The following LDLRAD4 variants were observed in gnomAD, a reference collection of about 807,000 sequenced individuals.
The protein encoded by LDLRAD4 is low density lipoprotein receptor class A domain containing 4.
LDLRAD4 carries 5 observed loss-of-function variants against 17.0 expected under a neutral mutation model. The ratio of observed to expected loss-of-function variants is 0.29; its 90% CI spans 0.15 to 0.62. LDLRAD4 has a LOEUF of 0.62. Among genes scored for constraint, LDLRAD4 ranks in the 20% least tolerant of loss-of-function variants. The pLI is 0.84. For synonymous variants in LDLRAD4, 168 were observed against 171.8 expected, an observed-to-expected ratio of 0.98 and a Z score of 0.17; for missense variants, 340 against 424.7, an observed-to-expected ratio of 0.80 and a Z score of 1.75.
At chr18:13,312,915 T>G (rs2047319737) in intron 1 of LDLRAD4, among the ~76,000 whole-genome samples, 1 of 152,188 alleles carries the variant, frequency 6.6e-6, no homozygotes, top group Non-Finnish European at 1.5e-5. Flanking sequence ...TCTGTGATGT[T>G]TTCTGACCCA....
At chr18:13,637,671 A>G (rs1381356496) in intron 4 of LDLRAD4, among the ~76,000 whole-genome samples, 1 of 151,438 alleles carries the variant, frequency 6.6e-6, no homozygotes, top group Admixed American at 6.6e-5. Context: ...TTCGAGACAA[A>G]CCTGGCCAAC....
chr18:13,383,208 G>GT (rs1940490511), intron 1 of LDLRAD4, among the ~76,000 whole-genome samples: 2 of 152,044 alleles, frequency 1.3e-5, no homozygotes, highest in African/African-American at 2.4e-5. Context: ...GAAGCTTCAC[G>GT]TAAGTGTCTT....
chr18:13,278,689 C>T (rs1022683177), intron 1 of LDLRAD4, among the ~76,000 whole-genome samples: 5 of 152,044 alleles, frequency 3.3e-5, no homozygotes, highest in Non-Finnish European at 7.3e-5. Flanking sequence ...TTTAATGTGC[C>T]TGGTGGTGGG....
intron 3 of LDLRAD4, among the ~76,000 whole-genome samples, chr18:13,498,229 T>C: frequency 6.7e-6 from 1 of 149,552 alleles, no homozygotes; most frequent in East Asian, 2.0e-4. Context: ...AGAATCCTTC[T>C]CCACACACAC....
chr18:13,445,759 A>C (rs1015522722), intron 3 of LDLRAD4, among the ~76,000 whole-genome samples: 1 of 143,826 alleles, frequency 7.0e-6, no homozygotes, highest in Non-Finnish European at 1.5e-5. Context: ...GGGTGTGTGC[A>C]TGTGTGGGTG....
intron 2 of LDLRAD4, among the ~76,000 whole-genome samples, chr18:13,389,668 G>T (rs774875128): frequency 6.6e-6 from 1 of 152,186 alleles, no homozygotes; most frequent in Admixed American, 6.5e-5. Context: ...CAGAGGCCAG[G>T]GTTCTGGGGC....
intron 3 of LDLRAD4, among the ~76,000 whole-genome samples, chr18:13,591,502 G>A (rs2148546394): frequency 6.6e-6 from 1 of 152,178 alleles, no homozygotes; most frequent in African/African-American, 2.4e-5. Context: ...GACCGCGACA[G>A]AATGTTAAAA....
At chr18:13,525,927 C>T (rs2094024849) in intron 3 of LDLRAD4, among the ~76,000 whole-genome samples, 3 of 152,226 alleles carry the variant, frequency 2.0e-5, no homozygotes, top group Admixed American at 2.0e-4. Flanking sequence ...TTGCGCCCTC[C>T]TGTGTGTCTA....
chr18:13,552,831 A>G (rs1379585767), intron 3 of LDLRAD4, among the ~76,000 whole-genome samples: 1 of 152,194 alleles, frequency 6.6e-6, no homozygotes, highest in Non-Finnish European at 1.5e-5. Flanking sequence ...GGGATTGCCT[A>G]GGGATCTCCT....
chr18:13,285,408 C>T (rs1035496399), intron 1 of LDLRAD4, among the ~76,000 whole-genome samples: 5 of 152,030 alleles, frequency 3.3e-5, no homozygotes, highest in African/African-American at 9.7e-5. Context: ...ACAGGCTTGC[C>T]GAGGACAGTC....
At chr18:13,244,013 A>G (rs1048926848) in intron 1 of LDLRAD4, among the ~76,000 whole-genome samples, 3 of 99,832 alleles carry the variant, frequency 3.0e-5, no homozygotes, top group African/African-American at 1.2e-4. Flanking sequence ...CCACACATCC[A>G]TCTATCCATT....
intron 1 of LDLRAD4, among the ~76,000 whole-genome samples, chr18:13,359,068 C>G (rs568872016): frequency 2.6e-5 from 4 of 152,314 alleles, no homozygotes; most frequent in Non-Finnish European, 5.9e-5. Flanking sequence ...AGGCTGTGTT[C>G]CTAGGAGCTT....
intron 2 of LDLRAD4, among the ~76,000 whole-genome samples, chr18:13,388,362 G>C (rs2085987998): frequency 6.6e-6 from 1 of 152,150 alleles, no homozygotes; most frequent in Non-Finnish European, 1.5e-5. Context: ...TTTGGATCCT[G>C]GCTCTTTTGT....
chr18:13,529,335 C>T (rs1601128596), intron 3 of LDLRAD4, among the ~76,000 whole-genome samples: 1 of 152,344 alleles, frequency 6.6e-6, no homozygotes, highest in East Asian at 1.9e-4. Flanking sequence ...GAAAGGTATT[C>T]TCCGAAGATG....
chr18:13,645,025 C>A lies in LDLRAD4; in HGVS notation c.391-102C>A. 3.3e-6 allele frequency: 3 copies of A among 910,564 alleles called. No homozygotes were observed. Among genetic ancestry groups the A allele is most frequent in the Non-Finnish European group, 5.0e-6 (3 of 603,802 alleles). The allele number at this position is 910,564 out of a possible 1,614,324, so 56.4% of individuals were successfully genotyped here. A position where few individuals can be genotyped will look rare whatever the true frequency, so the allele number is the denominator to read the frequency against. ...TTTTTCCTGGGAGATGGTGTTCAAA[C>A]TGGTAGGAACACACACCAAGCGTAA... On this transcript the variant is annotated intron_variant, in intron 5 of 5. Coordinates refer to ENST00000359446, the Ensembl canonical transcript of LDLRAD4. The surrounding 1 kb of genome is among the most constrained non-coding windows in gnomAD (Gnocchi z 5.7).
intron 3 of LDLRAD4, among the ~76,000 whole-genome samples, chr18:13,509,195 T>G (rs574439958): frequency 1.3e-4 from 20 of 152,298 alleles, no homozygotes; most frequent in Admixed American, 1.3e-3. Flanking sequence ...GCACCTATGG[T>G]GCCAGCTGCT....
At chr18:13,463,066 C>T (rs539271136) in intron 3 of LDLRAD4, among the ~76,000 whole-genome samples, 1 of 152,108 alleles carries the variant, frequency 6.6e-6, no homozygotes, top group African/African-American at 2.4e-5. Context: ...GCTGGGGGGC[C>T]CGAGACCAAG....
At chr18:13,309,926 A>G (rs2047132572) in intron 1 of LDLRAD4, among the ~76,000 whole-genome samples, 1 of 152,180 alleles carries the variant, frequency 6.6e-6, no homozygotes, top group African/African-American at 2.4e-5. Context: ...TCAAACTGTC[A>G]ATGGAACGAT....
chr18:13,330,877 G>C lies in LDLRAD4; in HGVS notation c.-383+52689G>C, dbSNP rs532419304. On this transcript the variant is annotated intron_variant, in intron 1 of 5. Transcript: ENST00000359446. Reference sequence around the variant, plus strand: ...AGTGGCCAATGATGTAATCAATTATGACCATATAATGAAGTTTCCATAAAA... The same window carrying C: ...AGTGGCCAATGATGTAATCAATTATCACCATATAATGAAGTTTCCATAAAA... Among the ~76,000 whole-genome samples, 11 of 152,252 alleles carry C rather than the reference G, an allele frequency of 7.2e-5. No individual in the cohort carries two copies. In the South Asian group the frequency reaches 2.3e-3, roughly 32 times the overall value.
Sources: gnomAD v4.1 joint callset for allele counts (sites outside exome capture counted in the v4.1 genomes callset) on GRCh38, gnomAD v4.1.1 for gene constraint, Gnocchi (gnomAD v3.1) non-coding constraint, MANE v1.5 for transcripts, NCBI Gene and HGNC (gene_info 2026-07-23, HGNC 2026-07-21) for gene names.